CACNB2: variants seen among roughly 807,000 people sequenced by gnomAD.
CACNB2 encodes the protein voltage-dependent L-type calcium channel subunit beta-2.
Under a neutral mutation model 73.3 loss-of-function variants are expected in CACNB2, and 42 were observed. That is an observed-to-expected ratio of 0.57 (90% CI 0.45 to 0.74). The LOEUF (loss-of-function observed/expected upper bound fraction) is 0.74. CACNB2 is among the 30% of genes least tolerant of loss of function. The probability of loss-of-function intolerance (pLI) is 0.00; values close to 1 mark genes in which losing one functional copy is unlikely to be tolerated. For missense variants in CACNB2, 940 were observed against 853.0 expected (o/e 1.10, Z -1.27); for synonymous variants, 348 against 310.3 (o/e 1.12, Z -1.28).
intron 2 of CACNB2, among the ~76,000 whole-genome samples, chr10:18,331,011 G>A (rs1267211347): frequency 6.5e-5 from 9 of 137,914 alleles, no homozygotes; most frequent in South Asian, 2.4e-4. Flanking sequence ...TTTGGAAACC[G>A]AGTCTCACTC....
intron 2 of CACNB2, among the ~76,000 whole-genome samples, chr10:18,212,309 T>C (rs1398008266): frequency 6.6e-6 from 1 of 152,248 alleles, no homozygotes; most frequent in Non-Finnish European, 1.5e-5. Context: ...ATTTTGTCAG[T>C]CTGATCCTCT....
chr10:18,324,389 A>G (rs2040504099), intron 2 of CACNB2, among the ~76,000 whole-genome samples: 2 of 152,262 alleles, frequency 1.3e-5, no homozygotes, highest in Admixed American at 1.3e-4. Flanking sequence ...AGGCCATTTC[A>G]GAATGCAGAA....
chr10:18,396,600 A>T (rs1330255554), intron 2 of CACNB2, among the ~76,000 whole-genome samples: 1 of 152,078 alleles, frequency 6.6e-6, no homozygotes, highest in Non-Finnish European at 1.5e-5. Flanking sequence ...CCTCCCGAGT[A>T]GCTGGGATTA....
At position 18,222,680 on chromosome 10, in the gene CACNB2, T is replaced by G. The variant is rs147750968; in HGVS notation, c.213+71705T>G. Among the ~76,000 whole-genome samples, 1,171 of 152,336 alleles carry G rather than the reference T, an allele frequency of 7.7e-3. 15 individuals are homozygous for G. The highest frequency in any genetic ancestry group is 0.027 in the African/African-American group (1,109 of 41,564). On this transcript the variant is annotated intron_variant, in intron 2 of 13. Transcript: ENST00000324631. ...GGCCAGGCACAGTGGCTAATGCCTGTAATCCCAGCACTTTGGGAGGCCGAG... is the reference window on the plus strand; with the variant it reads ...GGCCAGGCACAGTGGCTAATGCCTGGAATCCCAGCACTTTGGGAGGCCGAG...
intron 2 of CACNB2, among the ~76,000 whole-genome samples, chr10:18,267,474 C>T (rs527405227): frequency 2.6e-5 from 4 of 152,008 alleles, no homozygotes; most frequent in African/African-American, 4.8e-5. Flanking sequence ...GGTGTGGTGG[C>T]GGGCACCTGT....
intron 2 of CACNB2, among the ~76,000 whole-genome samples, chr10:18,398,483 A>C (rs2043822334): frequency 6.6e-6 from 1 of 152,116 alleles, no homozygotes; most frequent in South Asian, 2.1e-4. Context: ...AGCCTGGGCA[A>C]CATAGTGAGA....
chr10:18,518,605 G>T (rs1296297024), intron 8 of CACNB2, among the ~76,000 whole-genome samples, 189 bp downstream of exon 8: 1 of 152,146 alleles, frequency 6.6e-6, no homozygotes, highest in Non-Finnish European at 1.5e-5. Context: ...TTTCTGTTTT[G>T]TTTACCTGGC....
chr10:18,527,065 C>T (rs774220719), intron 9 of CACNB2, among the ~76,000 whole-genome samples: 4 of 152,132 alleles, frequency 2.6e-5, no homozygotes, highest in African/African-American at 4.8e-5. Context: ...TTGTAAGCAA[C>T]AAGTAAGTGC....
intron 2 of CACNB2, among the ~76,000 whole-genome samples, chr10:18,335,189 T>G (rs1235729040): frequency 6.6e-6 from 1 of 152,224 alleles, no homozygotes; most frequent in African/African-American, 2.4e-5. Context: ...ATAGCCTTTC[T>G]TTTTCTATTC....
chr10:18,406,848 C>A (rs1477423429), intron 3 of CACNB2, among the ~76,000 whole-genome samples: 3 of 152,100 alleles, frequency 2.0e-5, no homozygotes, highest in Admixed American at 2.0e-4. Flanking sequence ...AAGTTTAGCT[C>A]TTGAAGTACA....
At chr10:18,350,438 C>T (rs907511071) in intron 2 of CACNB2, among the ~76,000 whole-genome samples, 10 of 152,156 alleles carry the variant, frequency 6.6e-5, no homozygotes, top group Admixed American at 1.3e-4. Context: ...CTTCCATGCA[C>T]GCAGCCCACA....
At chr10:18,359,902 G>T (rs1469064141) in intron 2 of CACNB2, among the ~76,000 whole-genome samples, 1 of 152,036 alleles carries the variant, frequency 6.6e-6, no homozygotes, top group Non-Finnish European at 1.5e-5. Context: ...GTCGTGAGTG[G>T]TACTAAAGAG....
intron 4 of CACNB2, among the ~76,000 whole-genome samples, chr10:18,499,637 A>ATCCAAGCATT (rs1554831783): frequency 1.1e-5 from 1 of 92,540 alleles, no homozygotes; most frequent in African/African-American, 4.1e-5. Context: ...AAAAAAAAAA[A>ATCCAAGCATT]AAGAACCTAG....
chr10:18,450,168 G>T (rs574920847), intron 3 of CACNB2, among the ~76,000 whole-genome samples: 2 of 152,056 alleles, frequency 1.3e-5, no homozygotes, highest in African/African-American at 2.4e-5. Flanking sequence ...AAGAATAAAC[G>T]GTAGGTAAAA....
intron 2 of CACNB2, among the ~76,000 whole-genome samples, chr10:18,314,690 T>G (rs1471776798): frequency 2.0e-5 from 3 of 152,086 alleles, no homozygotes; most frequent in African/African-American, 7.2e-5. Context: ...AAACATTTTT[T>G]CATACACATG....
intron 2 of CACNB2, among the ~76,000 whole-genome samples, chr10:18,299,063 A>G (rs2039394105): frequency 9.5e-6 from 1 of 104,850 alleles, no homozygotes; most frequent in Admixed American, 1.1e-4. Flanking sequence ...AACTTAAAGT[A>G]TACTAAAAAA....
intron 6 of CACNB2, chr10:18,513,520 CCG>C: frequency 2.6e-6 from 1 of 387,906 alleles, no homozygotes; most frequent in South Asian, 2.1e-5. Flanking sequence ...TGAACCACCA[CCG>C]CACTGTACGT....
intron 9 of CACNB2, among the ~76,000 whole-genome samples, chr10:18,527,371 T>C (rs2052576975): frequency 6.6e-6 from 1 of 151,838 alleles, no homozygotes; most frequent in Non-Finnish European, 1.5e-5. Context: ...GGCGAGACTC[T>C]GTCTCAAAAC....
At chr10:18,340,591 T>TA (rs2041190645) in intron 2 of CACNB2, 1 of 849,722 alleles carries the variant, frequency 1.2e-6, no homozygotes, top group Admixed American at 4.0e-5. Context: ...AATGAAGTGT[T>TA]ACTGTACTTT....
Sources: gnomAD v4.1 joint callset for allele counts (sites outside exome capture counted in the v4.1 genomes callset) on GRCh38, gnomAD v4.1.1 for gene constraint, MANE v1.5 for transcripts, NCBI Gene and HGNC (gene_info 2026-07-23, HGNC 2026-07-21) for gene names.